PRUNE2: variants seen among roughly 807,000 people sequenced by gnomAD.
PRUNE2 encodes prune homolog 2 with BCH domain.
A neutral mutation model predicts 252.0 loss-of-function variants in PRUNE2; 164 were observed. The ratio of observed to expected loss-of-function variants is 0.65; its 90% CI spans 0.57 to 0.74. PRUNE2 has a LOEUF of 0.74. PRUNE2 is among the 30% of genes least tolerant of loss of function. The pLI is 0.00. For missense variants in PRUNE2, 3,495 were observed against 3,711.0 expected (o/e 0.94, Z 1.51); for synonymous variants, 1,292 against 1,350.2 (o/e 0.96, Z 0.94).
At chr9:76,803,635 G>A (rs1026236266) in intron 6 of PRUNE2, among the ~76,000 whole-genome samples, 3 of 152,116 alleles carry the variant, frequency 2.0e-5, no homozygotes, top group Non-Finnish European at 4.4e-5. Flanking sequence ...GCCCCAGCTA[G>A]GCTGGCTGCT....
At chr9:76,689,716 C>T (rs1440071291) in intron 9 of PRUNE2, among the ~76,000 whole-genome samples, 3 of 152,078 alleles carry the variant, frequency 2.0e-5, no homozygotes, top group African/African-American at 4.8e-5. Flanking sequence ...AGCTAAGACC[C>T]CTGAGTTCTG....
intron 6 of PRUNE2, among the ~76,000 whole-genome samples, chr9:76,818,485 T>C (rs1368647530): frequency 6.6e-6 from 1 of 152,180 alleles, no homozygotes; most frequent in Non-Finnish European, 1.5e-5. Context: ...TGGTAATCTC[T>C]GTGCAGGGCA....
chr9:76,793,542 A>C (rs1489134340), intron 6 of PRUNE2, among the ~76,000 whole-genome samples: 1 of 152,198 alleles, frequency 6.6e-6, no homozygotes, highest in East Asian at 1.9e-4. Flanking sequence ...CTGGCTTAGA[A>C]GGGTGACTCT....
chr9:76,885,995 T>C (rs1159776111), intron 1 of PRUNE2, among the ~76,000 whole-genome samples: 2 of 151,154 alleles, frequency 1.3e-5, no homozygotes, highest in South Asian at 2.1e-4. Context: ...CTGGCCAACA[T>C]GGCGAAACCC....
intron 1 of PRUNE2, among the ~76,000 whole-genome samples, chr9:76,897,570 C>A (rs12551198): frequency 6.6e-6 from 1 of 151,780 alleles, no homozygotes; most frequent in African/African-American, 2.4e-5. Context: ...CACACCACCA[C>A]GCCCAGTTAA....
intron 16 of PRUNE2, 29 bp downstream of exon 16, chr9:76,629,163 A>T: frequency 7.1e-7 from 1 of 1,404,186 alleles, no homozygotes; most frequent in Non-Finnish European, 1.0e-6. Context: ...ACTATTTCTT[A>T]ACACATCTCT....
rs143761369 is a variant in PRUNE2, at chr9:76,899,549, A to G, written c.36+6379T>C. On this transcript the variant is annotated intron_variant, in intron 1 of 18. Coordinates refer to ENST00000376718, the MANE Select transcript of PRUNE2 (RefSeq NM_015225.3). ...TATTTATTTTTATTGAGCCACTACA[A>G]AGTGTCATGCTTTGTGCAGGACTCT... is the stretch of plus-strand genomic sequence containing the variant. 2.8e-3 allele frequency among the ~76,000 whole-genome samples: 425 copies of G among 152,186 alleles called. 3 individuals carry two copies. The highest frequency in any genetic ancestry group is 4.4e-3 in the Non-Finnish European group (299 of 68,020).
At chr9:76,784,124 GAGA>G (rs1417655946) in intron 6 of PRUNE2, 1 of 152,234 alleles carries the variant, frequency 6.6e-6, no homozygotes, top group Non-Finnish European at 1.5e-5. Context: ...AGATCCCTGG[GAGA>G]AATGCCCGGC....
At position 76,632,036 on chromosome 9, in the gene PRUNE2, C is replaced by T. The variant is rs144520448; in HGVS notation, c.9051-2746G>A. ...GTATATGTACTGCATTTGCTTTATC[C>T]AATCCACTGTTAATGGGCATCTAGG... On this transcript the variant is annotated intron_variant, in intron 15 of 18. Coordinates refer to ENST00000376718, the MANE Select transcript of PRUNE2 (RefSeq NM_015225.3). Among the ~76,000 whole-genome samples the T allele has an allele frequency of 1.4e-3, 208 of 152,274 alleles. 1 individual carries two copies. Among genetic ancestry groups the T allele is most frequent in the African/African-American group, 4.9e-3 (202 of 41,550 alleles).
chr9:76,890,739 A>C (rs115322766), intron 1 of PRUNE2, among the ~76,000 whole-genome samples: 2,744 of 150,250 alleles, frequency 0.018, 71 homozygotes, highest in African/African-American at 0.063. Context: ...TACACAAATC[A>C]TCCAATTAGA....
chr9:76,762,027 G>C (rs1178318432), intron 6 of PRUNE2, among the ~76,000 whole-genome samples: 1 of 152,088 alleles, frequency 6.6e-6, no homozygotes, highest in African/African-American at 2.4e-5. Flanking sequence ...AACTTTAATG[G>C]CTTTAAAGTC....
chr9:76,614,868 A>G (rs1010865540), intron 18 of PRUNE2, among the ~76,000 whole-genome samples: 13 of 152,024 alleles, frequency 8.6e-5, no homozygotes, highest in African/African-American at 3.1e-4. Context: ...GAGGTAAAAA[A>G]CTCATGTAAA....
At chr9:76,729,053 C>T (rs957474390) in intron 6 of PRUNE2, among the ~76,000 whole-genome samples, 1 of 152,092 alleles carries the variant, frequency 6.6e-6, no homozygotes, top group South Asian at 2.1e-4. Flanking sequence ...AGAAATAGTC[C>T]TTTTTGCCCT....
At chr9:76,728,972 G>A (rs1030610227) in intron 6 of PRUNE2, among the ~76,000 whole-genome samples, 4 of 152,198 alleles carry the variant, frequency 2.6e-5, no homozygotes, top group Non-Finnish European at 5.9e-5. Context: ...AAGTTTATTT[G>A]TCAATTAGGG....
At position 76,703,711 on chromosome 9, in the gene PRUNE2, C is replaced by T. The variant is rs780499188; in HGVS notation, c.7902G>A (p.Met2634Ile). 1.2e-6 allele frequency: 2 copies of T among 1,613,562 alleles called. No homozygotes were observed. Among genetic ancestry groups the T allele is most frequent in the East Asian group, 2.2e-5 (1 of 44,886 alleles). ...CACCAACCTCACTATGGCCCAAGAA[C>T]ATCCAACTCTGGTCTTGTGCAGGGC... The part of the protein sequence containing the change: ...FESPAQDQSW[M>I]FLGHSEVGDP... The change falls in exon 9 of 19, where the codon ATG becomes ATA. Residue 2634 changes from methionine to isoleucine, a missense_variant. Coordinates refer to ENST00000376718, the MANE Select transcript of PRUNE2 (RefSeq NM_015225.3).
In PRUNE2 at chr9:76,708,325, T is replaced by C. The variant is rs2046455653; in HGVS notation, c.3949A>G (p.Lys1317Glu). Reference sequence around the variant, plus strand: ...TCACTTTGTCCATCGCCATGACCTTTCCATGGATCTGGGTGTGGAAAATAC... The same window carrying C: ...TCACTTTGTCCATCGCCATGACCTTCCCATGGATCTGGGTGTGGAAAATAC... ...PGYFPHPDPW[K>E]GHGDGQSESE... Residue 1317 changes from lysine (K) to glutamate (E), a missense_variant, in exon 8 of 19, where the codon AAA (lysine) becomes GAA (glutamate). Coordinates refer to ENST00000376718, the MANE Select transcript of PRUNE2 (RefSeq NM_015225.3). 6.2e-7 allele frequency: 1 copy of C among 1,613,822 alleles called. No homozygotes were observed. The highest frequency in any genetic ancestry group is 1.3e-5 in the African/African-American group (1 of 74,978).
chr9:76,854,246 G>T, intron 1 of PRUNE2, 38 bp from the exon 2 acceptor site: 1 of 1,113,942 alleles, frequency 9.0e-7, no homozygotes, highest in East Asian at 2.4e-5. Flanking sequence ...AATTTAACAG[G>T]TGACAGATTA....
At chr9:76,832,778 AG>A (rs1204743325) in intron 4 of PRUNE2, among the ~76,000 whole-genome samples, 2 of 152,054 alleles carry the variant, frequency 1.3e-5, no homozygotes, top group African/African-American at 4.8e-5. Context: ...TAATATAAGG[AG>A]TTTTGAAAAC....
chr9:76,697,430 G>A (rs928853632), intron 9 of PRUNE2, among the ~76,000 whole-genome samples: 1 of 152,112 alleles, frequency 6.6e-6, no homozygotes, highest in Non-Finnish European at 1.5e-5. Context: ...CACTCGAGTT[G>A]GTCCCACACA....
Sources: gnomAD v4.1 joint callset for allele counts (sites outside exome capture counted in the v4.1 genomes callset) on GRCh38, gnomAD v4.1.1 for gene constraint, MANE v1.5 for transcripts, NCBI Gene and HGNC (gene_info 2026-07-23, HGNC 2026-07-21) for gene names.